PCMTD2: variants seen among roughly 807,000 people sequenced by gnomAD.
PCMTD2 encodes protein-L-isoaspartate (D-aspartate) O-methyltransferase domain containing 2.
In PCMTD2, 16 loss-of-function variants were observed where a neutral mutation model predicts 33.4. That is an observed-to-expected ratio of 0.48 (90% confidence interval 0.32 to 0.73). The LOEUF is 0.73. Among genes scored for constraint, PCMTD2 ranks in the 30% least tolerant of loss-of-function variants. The probability of loss-of-function intolerance (pLI) is 0.03; values close to 1 mark genes in which losing one functional copy is unlikely to be tolerated. For synonymous variants in PCMTD2, 161 were observed against 160.8 expected, an observed-to-expected ratio of 1.00 and a Z score of -0.01; for missense variants, 374 against 449.9, an observed-to-expected ratio of 0.83 and a Z score of 1.53.
chr20:64,268,153 T>TAAACGTTGTTCTATAA, intron 5 of PCMTD2, 143 bp downstream of exon 5: 1 of 563,364 alleles, frequency 1.8e-6, no homozygotes. Context: ...CTACAAGCAA[T>TAAACGTTGTTCTATAA]TTCAGGCATT....
At chr20:64,267,370 A>G (rs1022958507) in intron 4 of PCMTD2, among the ~76,000 whole-genome samples, 2 of 152,250 alleles carry the variant, frequency 1.3e-5, no homozygotes, top group East Asian at 3.8e-4. Flanking sequence ...CAGGCATCCA[A>G]GATGACAAGT....
chr20:64,267,637 C>G (rs773878435), intron 4 of PCMTD2, among the ~76,000 whole-genome samples: 3 of 152,196 alleles, frequency 2.0e-5, no homozygotes, highest in Non-Finnish European at 4.4e-5. Context: ...TAACTAGTTT[C>G]TCTATAATAT....
In PCMTD2 at chr20:64,255,875, AGCCGCC is replaced by A. The variant is rs530166198; in HGVS notation, c.-25+21_-25+26del. On this transcript the variant is annotated splice_donor_region_variant and intron_variant, in intron 1 of 5. Coordinates refer to ENST00000308824, the MANE Select transcript of PCMTD2 (RefSeq NM_018257.3). ...GTCGGCCGGCCGAGCCTGGAGGTAG[AGCCGCC>A]GCCGCCGCCGCCGCCCCTCGGTCCG... is the stretch of plus-strand genomic sequence containing the variant. The A allele has an allele frequency of 4.2e-4, 60 of 143,206 alleles. No homozygotes were observed. Among genetic ancestry groups the A allele is most frequent in the African/African-American group, 1.0e-3 (39 of 39,172 alleles). The allele number at this position is 143,206 out of a possible 1,614,324, so 8.9% of individuals were successfully genotyped here. A position where few individuals can be genotyped will look rare whatever the true frequency, so the allele number is the denominator to read the frequency against.
chr20:64,258,199 C>T (rs1330945706), intron 1 of PCMTD2, among the ~76,000 whole-genome samples: 2 of 152,170 alleles, frequency 1.3e-5, no homozygotes, highest in South Asian at 2.1e-4. Flanking sequence ...CATCCAAACA[C>T]ATGATTCCGC....
intron 1 of PCMTD2, among the ~76,000 whole-genome samples, chr20:64,257,469 CACTTTT>C (rs1191257723): frequency 1.3e-5 from 2 of 152,228 alleles, no homozygotes; most frequent in Non-Finnish European, 2.9e-5. Context: ...AATGATTCTA[CACTTTT>C]ACTTTGAAAA....
intron 1 of PCMTD2, chr20:64,256,802 A>T (rs748781144): frequency 6.6e-6 from 1 of 152,198 alleles, no homozygotes; most frequent in Non-Finnish European, 1.5e-5. Context: ...TTGCAACTTC[A>T]TTTGTTAGAA....
At chr20:64,259,875 T>G (rs1266598094) in intron 1 of PCMTD2, 67 bp from the exon 2 acceptor site, 1 of 771,090 alleles carries the variant, frequency 1.3e-6, no homozygotes, top group Admixed American at 2.5e-5. Context: ...GGTATCTGTT[T>G]AGAACTTCTA....
intron 1 of PCMTD2, among the ~76,000 whole-genome samples, chr20:64,258,236 A>G (rs1985253330): frequency 6.6e-6 from 1 of 152,224 alleles, no homozygotes; most frequent in Non-Finnish European, 1.5e-5. Flanking sequence ...AAATTTTAAG[A>G]TGACTGTGGT....
At chr20:64,264,283 C>T (rs1051373331) in intron 2 of PCMTD2, 146 bp from the exon 3 acceptor site, 41 of 571,956 alleles carry the variant, frequency 7.2e-5, no homozygotes, top group African/African-American at 6.8e-4. Flanking sequence ...TGTGGTGAGC[C>T]GTGATACTGT....
chr20:64,267,268 CA>C (rs1398170866), intron 4 of PCMTD2, among the ~76,000 whole-genome samples: 1 of 152,104 alleles, frequency 6.6e-6, no homozygotes, highest in Non-Finnish European at 1.5e-5. Context: ...TGTGTTAAGC[CA>C]CCAGATTCCG....
chr20:64,261,347 T>C (rs962937940), intron 2 of PCMTD2, among the ~76,000 whole-genome samples: 3 of 152,186 alleles, frequency 2.0e-5, no homozygotes, highest in African/African-American at 7.2e-5. Context: ...AGCTGGAGTC[T>C]GTATTTTTTC....
rs1040751176 is a variant in PCMTD2 at position 64,274,886 on chromosome 20, A to T, written c.*1286A>T. 5 of 151,508 alleles carry T rather than the reference A, an allele frequency of 3.3e-5. No individual in the cohort carries two copies. The highest frequency in any genetic ancestry group is 5.9e-5 in the Non-Finnish European group (4 of 67,830). 9.4% of individuals were successfully genotyped at this position (151,508 alleles called of 1,614,324 possible). On this transcript the variant is annotated 3_prime_UTR_variant, in exon 6 of 6. Transcript: ENST00000308824. ...CCAAAACATTGGTTCTTTTTAAAAC[A>T]TTTTTTTTTACCCAAAGAAAAGAAT... is the stretch of plus-strand genomic sequence containing the variant.
At position 64,260,202 on chromosome 20, in the gene PCMTD2, G is replaced by C; in HGVS notation, c.237G>C (p.Gln79His). The change falls in exon 2 of 6, where the codon CAG becomes CAC. Residue 79 changes from glutamine to histidine, a missense_variant. Gln to His is a conservative substitution (Grantham distance 24, BLOSUM62 0). Transcript: ENST00000308824. Reference protein sequence around the residue: ...YSEVMEALDLQPGLSFLNLGS... With the variant: ...YSEVMEALDLHPGLSFLNLGS... ...AGGTGATGGAAGCCCTAGATCTGCA[G>C]CCTGGACTCTCGTTTCTGAACCTGG... 6.2e-7 allele frequency: 1 copy of C among 1,613,906 alleles called. No homozygotes were observed. Among genetic ancestry groups the C allele is most frequent in the Non-Finnish European group, 8.5e-7 (1 of 1,179,754 alleles).
At chr20:64,261,085 T>A (rs955543797) in intron 2 of PCMTD2, among the ~76,000 whole-genome samples, 3 of 152,218 alleles carry the variant, frequency 2.0e-5, no homozygotes, top group Admixed American at 6.5e-5. Flanking sequence ...CTATTTAGCC[T>A]ATTTTCCAAA....
Position 64,274,316 on chromosome 20 carries a change from T to TTTA in PCMTD2, c.*716_*717insTTA. The TTTA allele has an allele frequency of 6.6e-6, 1 of 151,830 alleles. No homozygotes were observed. The highest frequency in any genetic ancestry group is 3.4e-3 in the Middle Eastern group (1 of 294). 9.4% of individuals were successfully genotyped at this position (151,830 alleles called of 1,614,324 possible). On this transcript the variant is annotated 3_prime_UTR_variant, in exon 6 of 6. Coordinates refer to ENST00000308824, the MANE Select transcript of PCMTD2 (RefSeq NM_018257.3). ...CAAAGAGGGTTTTTTTTTTTTTTTT[T>TTTA]AGGACATCTTTTGATACCTTTAAAA...
chr20:64,270,164 G>T (rs1278275775), intron 5 of PCMTD2, among the ~76,000 whole-genome samples: 5 of 135,556 alleles, frequency 3.7e-5, no homozygotes, highest in Admixed American at 7.4e-5. Flanking sequence ...CATGCACGTT[G>T]TGGGGTCGTG....
In PCMTD2 at chr20:64,273,207, C is replaced by T. The variant is rs1985978073; in HGVS notation, c.707-14C>T. 6 of 1,608,230 alleles carry T rather than the reference C, an allele frequency of 3.7e-6. No individual in the cohort carries two copies. In the African/African-American group the frequency reaches 5.3e-5, roughly 14 times the overall value. On this transcript the variant is annotated splice_polypyrimidine_tract_variant and intron_variant, in intron 5 of 5. Transcript: ENST00000308824. ...CCGATGCATTTGACTGTGTCTCACT[C>T]TTCTGTGCTGCAGCACCAGTGGCAG...
rs186246038 is a variant in PCMTD2 at position 64,256,203 on chromosome 20, C to T, written c.-25+333C>T. 2.6e-5 allele frequency among the ~76,000 whole-genome samples: 4 copies of T among 152,294 alleles called. No individual in the cohort carries two copies. The East Asian group carries it at 7.7e-4, about 29-fold the overall frequency. ...AAACGTTTGCAGTTCCAAGGCAAGC[C>T]AAGAGCTAAGGTTTAGAACAAAGTC... is the stretch of plus-strand genomic sequence containing the variant. On this transcript the variant is annotated intron_variant, in intron 1 of 5. Transcript: ENST00000308824.
intron 2 of PCMTD2, among the ~76,000 whole-genome samples, chr20:64,261,969 A>G (rs1003480750): frequency 1.6e-4 from 25 of 152,152 alleles, no homozygotes; most frequent in Admixed American, 1.6e-3. Flanking sequence ...TAAGCCTGAA[A>G]TGGTGGGGCG....
Sources: gnomAD v4.1 joint callset for allele counts (sites outside exome capture counted in the v4.1 genomes callset) on GRCh38, gnomAD v4.1.1 for gene constraint, MANE v1.5 for transcripts, NCBI Gene and HGNC (gene_info 2026-07-23, HGNC 2026-07-21) for gene names.